ZMYND8: variants seen among roughly 807,000 people sequenced by gnomAD.
The protein encoded by ZMYND8 is MYND-type zinc finger-containing chromatin reader ZMYND8.
A neutral mutation model predicts 140.8 loss-of-function variants in ZMYND8; 37 were observed. That is an observed-to-expected ratio of 0.26 (90% CI 0.20 to 0.35). The LOEUF is 0.35. ZMYND8 is among the 10% of genes least tolerant of loss of function. The pLI, the probability that ZMYND8 is intolerant of heterozygous loss-of-function variation, is 1.00. For synonymous variants in ZMYND8, 592 were observed against 597.1 expected (o/e 0.99, Z 0.12); for missense variants, 1,068 against 1,570.0 (o/e 0.68, Z 5.40).
At chr20:47,255,865 G>A (rs2074667449) in intron 12 of ZMYND8, among the ~76,000 whole-genome samples, 1 of 146,974 alleles carries the variant, frequency 6.8e-6, no homozygotes, top group African/African-American at 2.5e-5. Context: ...ACTGAGGTCA[G>A]GAGTTCGAGA....
intron 14 of ZMYND8, among the ~76,000 whole-genome samples, chr20:47,241,006 A>C (rs2039897146): frequency 6.6e-6 from 1 of 151,920 alleles, no homozygotes; most frequent in Non-Finnish European, 1.5e-5. Context: ...TTAAAGAATG[A>C]GATTCTTGGC....
At chr20:47,339,966 G>A (rs755483460) in intron 2 of ZMYND8, among the ~76,000 whole-genome samples, 3 of 150,822 alleles carry the variant, frequency 2.0e-5, no homozygotes, top group Admixed American at 6.6e-5. Flanking sequence ...TTTTTGAGAC[G>A]GAGTCTCACT....
At chr20:47,278,641 A>G (rs945226276) in intron 10 of ZMYND8, among the ~76,000 whole-genome samples, 2 of 152,150 alleles carry the variant, frequency 1.3e-5, no homozygotes, top group Non-Finnish European at 2.9e-5. Flanking sequence ...CGTAACACAA[A>G]CTAAAACTAA....
chr20:47,298,268 A>G lies in ZMYND8; in HGVS notation c.453+461T>C. 1.0e-6 allele frequency: 1 copy of G among 985,406 alleles called. No individual in the cohort carries two copies. The highest frequency in any genetic ancestry group is 1.2e-6 in the Non-Finnish European group (1 of 829,924). The allele number at this position is 985,406 out of a possible 1,614,324, so 61.0% of individuals were successfully genotyped here. ...GCACTCAAGAAATACTTGTTGCACA[A>G]AAGAAAGCACCAGACGGCCACTACA... On this transcript the variant is annotated intron_variant, in intron 4 of 22. Coordinates refer to ENST00000471951, the MANE Select transcript of ZMYND8 (RefSeq NM_001281775.3). This position sits in a 1 kb window ranked among gnomAD's most constrained non-coding sequence, Gnocchi z 5.0.
chr20:47,296,993 T>A (rs1349341912), intron 4 of ZMYND8, among the ~76,000 whole-genome samples: 1 of 152,090 alleles, frequency 6.6e-6, no homozygotes. Context: ...AGCAAAAGCA[T>A]CCTATCAGAG....
chr20:47,252,083 C>T (rs1293584352), intron 12 of ZMYND8, among the ~76,000 whole-genome samples: 5 of 151,824 alleles, frequency 3.3e-5, no homozygotes, highest in Admixed American at 6.6e-5. Context: ...CACTTGAGGT[C>T]GGGGGTTCAA....
chr20:47,236,564 C>A, intron 15 of ZMYND8, 48 bp from the exon 16 acceptor site: 1 of 1,489,088 alleles, frequency 6.7e-7, no homozygotes, highest in East Asian at 2.4e-5. Context: ...AGGACCCATC[C>A]CAGCACAAAG....
chr20:47,344,230 G>C (rs2082154305), intron 2 of ZMYND8, among the ~76,000 whole-genome samples: 1 of 151,906 alleles, frequency 6.6e-6, no homozygotes, highest in Non-Finnish European at 1.5e-5. Flanking sequence ...CCCCCACCTT[G>C]GCCTCCCAAA....
chr20:47,318,914 A>G, intron 2 of ZMYND8: 2 of 1,335,896 alleles, frequency 1.5e-6, no homozygotes, highest in South Asian at 2.3e-5. Context: ...GAGGCAGAAC[A>G]TGCGAGGGGC....
intron 2 of ZMYND8, among the ~76,000 whole-genome samples, chr20:47,334,605 A>AAAATATATATAT (rs773739583): frequency 2.1e-5 from 3 of 141,704 alleles, no homozygotes; most frequent in African/African-American, 7.9e-5. Context: ...GAAAAAAAAA[A>AAAATATATATAT]ATATATATAT....
intron 16 of ZMYND8, among the ~76,000 whole-genome samples, chr20:47,235,380 G>A (rs2039091844): frequency 6.6e-6 from 1 of 152,086 alleles, no homozygotes; most frequent in Non-Finnish European, 1.5e-5. Context: ...AACTGCAGAT[G>A]GTATCTACCT....
Position 47,210,892 on chromosome 20 carries a change from A to C in ZMYND8, c.3574T>G (p.Ser1192Ala). 6.2e-7 allele frequency: 1 copy of C among 1,613,800 alleles called. No individual in the cohort carries two copies. Among genetic ancestry groups the C allele is most frequent in the Non-Finnish European group, 8.5e-7 (1 of 1,179,824 alleles). ...CTCCAACTGGATTTATTACTCCGGG[A>C]ATGGTCTGAGGGGGAAAACCAATGT... Reference protein sequence around the residue: ...HPNYPAQKYHSRSNKSSWSSS... With the variant: ...HPNYPAQKYHARSNKSSWSSS... The change falls in exon 23 of 23, where the codon TCC becomes GCC. Residue 1192 changes from serine to alanine, a missense_variant. Physicochemically the swap from Ser to Ala is moderately conservative, Grantham distance 99. Around this residue, in one of 10 missense-constraint regions of ZMYND8, gnomAD observed 180 missense variants for 187.8 expected, o/e 0.96. Transcript: ENST00000471951.
intron 2 of ZMYND8, among the ~76,000 whole-genome samples, chr20:47,313,455 T>C (rs925006130): frequency 4.0e-5 from 6 of 151,692 alleles, no homozygotes; most frequent in Non-Finnish European, 7.4e-5. Context: ...ACCCCGTCTC[T>C]ACCAAAAATA....
chr20:47,257,842 A>C (rs2074866362), intron 12 of ZMYND8, among the ~76,000 whole-genome samples: 1 of 151,588 alleles, frequency 6.6e-6, no homozygotes. Flanking sequence ...TGTCTGGCCC[A>C]AATAGAGTTT....
At chr20:47,283,406 C>T (rs2076728787) in intron 9 of ZMYND8, among the ~76,000 whole-genome samples, 165 bp downstream of exon 9, 1 of 152,148 alleles carries the variant, frequency 6.6e-6, no homozygotes, top group Admixed American at 6.5e-5. Context: ...AGAGGTTTAT[C>T]CTACCTGGAT....
chr20:47,278,595 C>T (rs2076399475), intron 10 of ZMYND8, among the ~76,000 whole-genome samples: 1 of 152,018 alleles, frequency 6.6e-6, no homozygotes. Context: ...ATTCACAATA[C>T]AGGCGGATTG....
intron 2 of ZMYND8, among the ~76,000 whole-genome samples, chr20:47,315,206 T>C (rs1253966078): frequency 1.3e-5 from 2 of 152,164 alleles, no homozygotes; most frequent in African/African-American, 4.8e-5. Flanking sequence ...AGGGGGAAAC[T>C]GAGGTTCTGC....
chr20:47,350,510 G>GA (rs961285492), intron 1 of ZMYND8, among the ~76,000 whole-genome samples: 57 of 147,856 alleles, frequency 3.9e-4, no homozygotes, highest in African/African-American at 7.9e-4. Flanking sequence ...ATGTTATTAG[G>GA]AAAAAAAAAT....
chr20:47,256,780 G>T, intron 12 of ZMYND8, among the ~76,000 whole-genome samples: 1 of 152,186 alleles, frequency 6.6e-6, no homozygotes, highest in East Asian at 1.9e-4. Context: ...CCAAGATACC[G>T]CTTTATGCAC....
Sources: allele counts gnomAD v4.1 joint callset (sites outside exome capture counted in the v4.1 genomes callset), GRCh38; gene constraint gnomAD v4.1.1; regional missense constraint gnomAD v4.1.1; non-coding constraint Gnocchi (gnomAD v3.1); transcripts MANE v1.5; gene names NCBI Gene and HGNC (gene_info 2026-07-23, HGNC 2026-07-21).